STRN3: variants seen among roughly 807,000 people sequenced by gnomAD.
The protein encoded by STRN3 is striatin-3.
STRN3 carries 29 observed loss-of-function variants against 95.6 expected under a neutral mutation model. The observed-to-expected ratio is 0.30, with a 90% CI of 0.23 to 0.41. The LOEUF (loss-of-function observed/expected upper bound fraction) is 0.41. Ranked by LOEUF, STRN3 falls within the 10% of genes least tolerant of loss-of-function variation. The pLI is 1.00. For missense variants in STRN3, 890 were observed against 972.1 expected (o/e 0.92, Z 1.12); for synonymous variants, 331 against 357.6 (o/e 0.93, Z 0.84).
At chr14:30,923,604 A>G (rs1896937902) in intron 8 of STRN3, among the ~76,000 whole-genome samples, 1 of 152,188 alleles carries the variant, frequency 6.6e-6, no homozygotes, top group Admixed American at 6.5e-5. Context: ...ATATTCCCCA[A>G]ATATGAATTT....
At chr14:30,918,571 T>C (rs953664167) in intron 9 of STRN3, among the ~76,000 whole-genome samples, 1 of 152,134 alleles carries the variant, frequency 6.6e-6, no homozygotes, top group African/African-American at 2.4e-5. Flanking sequence ...AGTTGTCTTC[T>C]AGTAAGTGGT....
chr14:30,928,270 G>A (rs111656410), intron 8 of STRN3, among the ~76,000 whole-genome samples: 13 of 152,240 alleles, frequency 8.5e-5, no homozygotes, highest in African/African-American at 2.6e-4. Flanking sequence ...ACTCGCACAC[G>A]TTTCCATTAC....
At chr14:30,991,527 T>A (rs1881953944) in intron 1 of STRN3, among the ~76,000 whole-genome samples, 1 of 152,066 alleles carries the variant, frequency 6.6e-6, no homozygotes. Flanking sequence ...CTCAAAAATG[T>A]TTTCCCAGAG....
chr14:30,963,213 T>C (rs1880299286), intron 1 of STRN3, among the ~76,000 whole-genome samples: 1 of 152,044 alleles, frequency 6.6e-6, no homozygotes, highest in Non-Finnish European at 1.5e-5. Context: ...GGAGATTCAA[T>C]ACCCCACTCT....
At chr14:30,965,482 T>C (rs757603801) in intron 1 of STRN3, among the ~76,000 whole-genome samples, 20 of 150,038 alleles carry the variant, frequency 1.3e-4, no homozygotes, top group Non-Finnish European at 2.5e-4. Flanking sequence ...AGGCCAGGAG[T>C]TCAATACCAG....
chr14:31,025,824 G>C, intron 1 of STRN3, 80 bp downstream of exon 1: 1 of 1,530,618 alleles, frequency 6.5e-7, no homozygotes, highest in Non-Finnish European at 8.8e-7. Context: ...GCCGGCTCCG[G>C]CTGAGTGGAG....
chr14:31,022,117 C>T (rs1258976542), intron 1 of STRN3, among the ~76,000 whole-genome samples: 8 of 152,134 alleles, frequency 5.3e-5, no homozygotes, highest in African/African-American at 1.9e-4. Context: ...CGGTGGTTCA[C>T]GCCTGTAATC....
chr14:31,016,649 T>C (rs1883250057), intron 1 of STRN3, among the ~76,000 whole-genome samples: 1 of 152,104 alleles, frequency 6.6e-6, no homozygotes, highest in Non-Finnish European at 1.5e-5. Context: ...GTTAAAGCGA[T>C]TCTCCTGCCC....
intron 15 of STRN3, among the ~76,000 whole-genome samples, chr14:30,903,920 C>T (rs138654075): frequency 1.4e-3 from 215 of 152,192 alleles, no homozygotes; most frequent in African/African-American, 4.6e-3. Flanking sequence ...ATTACTGAGA[C>T]GATTCTGTGT....
intron 1 of STRN3, among the ~76,000 whole-genome samples, chr14:30,969,942 T>C (rs1315104637): frequency 6.6e-6 from 1 of 151,986 alleles, no homozygotes; most frequent in African/African-American, 2.4e-5. Context: ...AGACTGCTGT[T>C]CGTACAGCGA....
intron 1 of STRN3, among the ~76,000 whole-genome samples, chr14:31,018,073 T>C (rs1208721623): frequency 1.4e-5 from 2 of 140,432 alleles, no homozygotes; most frequent in African/African-American, 2.6e-5. Context: ...AATGAAACCC[T>C]GCCTCAATTT....
At chr14:30,931,525 T>C (rs1331164888) in intron 7 of STRN3, among the ~76,000 whole-genome samples, 4 of 152,210 alleles carry the variant, frequency 2.6e-5, no homozygotes, top group Non-Finnish European at 5.9e-5. Context: ...TAGCATAAAT[T>C]TGTAACTAAC....
chr14:30,911,273 G>A, intron 12 of STRN3, 111 bp from the exon 13 acceptor site: 11 of 952,200 alleles, frequency 1.2e-5, no homozygotes, highest in South Asian at 5.6e-5. Context: ...TGTTTTAAGA[G>A]AACATGTACA....
At chr14:30,993,366 T>C (rs1318493633) in intron 1 of STRN3, among the ~76,000 whole-genome samples, 1 of 152,020 alleles carries the variant, frequency 6.6e-6, no homozygotes. Context: ...TATTTCATCA[T>C]GAATACCTAT....
chr14:31,005,889 G>A (rs1007933000), intron 1 of STRN3, among the ~76,000 whole-genome samples: 2 of 151,846 alleles, frequency 1.3e-5, no homozygotes, highest in African/African-American at 4.8e-5. Context: ...AGGCCAAAGC[G>A]GGTGGATCAC....
chr14:30,898,438 C>T (rs1896215381), intron 16 of STRN3, among the ~76,000 whole-genome samples: 1 of 152,196 alleles, frequency 6.6e-6, no homozygotes, highest in Admixed American at 6.5e-5. Flanking sequence ...AACTCCAGCT[C>T]TCCAGCCTGT....
At chr14:30,997,258 T>C (rs990542252) in intron 1 of STRN3, among the ~76,000 whole-genome samples, 4 of 152,122 alleles carry the variant, frequency 2.6e-5, no homozygotes, top group Admixed American at 6.5e-5. Flanking sequence ...CCCCAGTGTA[T>C]TGTATGTAGG....
intron 8 of STRN3, among the ~76,000 whole-genome samples, chr14:30,921,518 T>C (rs556554033): frequency 1.2e-3 from 182 of 152,342 alleles, no homozygotes; most frequent in African/African-American, 4.3e-3. Flanking sequence ...GCTCTAATCC[T>C]AGTTTCTCAA....
chr14:31,016,088 T>C (rs931559234), intron 1 of STRN3, among the ~76,000 whole-genome samples: 2 of 152,194 alleles, frequency 1.3e-5, no homozygotes, highest in African/African-American at 2.4e-5. Flanking sequence ...GCAATAATAA[T>C]TCTCACTCAT....
Sources: allele counts gnomAD v4.1 joint callset (sites outside exome capture counted in the v4.1 genomes callset), GRCh38; gene constraint gnomAD v4.1.1; transcripts MANE v1.5; gene names NCBI Gene and HGNC (gene_info 2026-07-23, HGNC 2026-07-21).